The following ABLIM3 variants were observed in gnomAD, a reference collection of about 807,000 sequenced individuals.
ABLIM3 encodes the protein actin-binding LIM protein 3.
Under a neutral mutation model 109.5 loss-of-function variants are expected in ABLIM3, and 61 were observed. The ratio of observed to expected loss-of-function variants is 0.56; its 90% CI spans 0.45 to 0.69. The LOEUF is 0.69. Among genes scored for constraint, ABLIM3 ranks in the 30% least tolerant of loss-of-function variants. The pLI is 0.00. For missense variants in ABLIM3, 796 were observed against 889.5 expected (o/e 0.89, Z 1.34); for synonymous variants, 300 against 324.8 (o/e 0.92, Z 0.82).
intron 10 of ABLIM3, among the ~76,000 whole-genome samples, chr5:149,236,023 A>G (rs1762311179): frequency 6.6e-6 from 1 of 152,228 alleles, no homozygotes; most frequent in African/African-American, 2.4e-5. Context: ...CCAGCCAGGA[A>G]GGTTGCCAGG....
intron 6 of ABLIM3, among the ~76,000 whole-genome samples, chr5:149,210,505 A>G (rs1246456727): frequency 6.6e-6 from 1 of 152,228 alleles, no homozygotes; most frequent in Non-Finnish European, 1.5e-5. Flanking sequence ...CATTGGGTAA[A>G]AAATGGAGCA....
intron 2 of ABLIM3, among the ~76,000 whole-genome samples, chr5:149,147,911 T>C (rs1045355312): frequency 6.6e-6 from 1 of 152,160 alleles, no homozygotes; most frequent in Non-Finnish European, 1.5e-5. Flanking sequence ...GCTGGCATCA[T>C]GTCAGTGATG....
At chr5:149,254,126 G>A (rs901724243) in intron 23 of ABLIM3, among the ~76,000 whole-genome samples, 1 of 152,100 alleles carries the variant, frequency 6.6e-6, no homozygotes, top group Admixed American at 6.5e-5. Flanking sequence ...CCCCATCCTT[G>A]ACACGTGGGG....
chr5:149,200,362 T>C lies in ABLIM3; in HGVS notation c.382T>C (p.Cys128Arg). Residue 128 changes from cysteine (C) to arginine (R), a missense_variant, in exon 5 of 24, where the codon TGT (cysteine) becomes CGT (arginine). Cys to Arg is a radical substitution (Grantham distance 180, BLOSUM62 -3). Coordinates refer to ENST00000309868, the MANE Select transcript of ABLIM3 (RefSeq NM_014945.5). The stretch of plus-strand genomic sequence containing the variant: ...CAAGGTGACCTTCAGCGGTAAAGAA[T>C]GTGTGTGCCAAACGTGCTCCCAGTC... The part of the protein sequence containing the change: ...GDKVTFSGKE[C>R]VCQTCSQSMA... 6.2e-7 allele frequency: 1 copy of C among 1,614,208 alleles called. No individual in the cohort carries two copies. Among genetic ancestry groups the C allele is most frequent in the Non-Finnish European group, 8.5e-7 (1 of 1,180,036 alleles).
rs144896826 is a variant in ABLIM3, at chr5:149,226,743, A to T, written c.758-3906A>T. On this transcript the variant is annotated intron_variant, in intron 8 of 23. Coordinates refer to ENST00000309868, the MANE Select transcript of ABLIM3 (RefSeq NM_014945.5). ...CTCTAGAATGCCAACATTCTAGAAG[A>T]CTATGATACCAACTCCAGCTTTGGC... is the stretch of plus-strand genomic sequence containing the variant. Among the ~76,000 whole-genome samples, 654 of 152,284 alleles carry T rather than the reference A, an allele frequency of 4.3e-3. 3 individuals carry two copies. The highest frequency in any genetic ancestry group is 7.4e-3 in the Non-Finnish European group (504 of 68,028).
intron 7 of ABLIM3, among the ~76,000 whole-genome samples, chr5:149,211,733 G>C (rs911027871): frequency 6.6e-6 from 1 of 151,994 alleles, no homozygotes; most frequent in African/African-American, 2.4e-5. Context: ...TCAGCAGGAG[G>C]GGATGTAGCA....
intron 2 of ABLIM3, among the ~76,000 whole-genome samples, chr5:149,158,039 C>T (rs115438959): frequency 2.8e-3 from 434 of 152,288 alleles, no homozygotes; most frequent in African/African-American, 9.9e-3. Flanking sequence ...ATTCTTCCAC[C>T]CTGCTACCTC....
Position 149,198,782 on chromosome 5 carries a change from G to A in ABLIM3, c.335+380G>A, listed in dbSNP as rs928498981. Among the ~76,000 whole-genome samples the A allele has an allele frequency of 6.6e-6, 1 of 152,090 alleles. No individual in the cohort carries two copies. The highest frequency in any genetic ancestry group is 1.5e-5 in the Non-Finnish European group (1 of 68,014). ...ACACCCTCATCCACAGGTGGGACAG[G>A]GATGTCTGTACATAGCCTTCCTCCA... On this transcript the variant is annotated intron_variant, in intron 4 of 23. Coordinates refer to ENST00000309868, the MANE Select transcript of ABLIM3 (RefSeq NM_014945.5). This position sits in a 1 kb window ranked among gnomAD's most constrained non-coding sequence, Gnocchi z 4.2.
Position 149,163,438 on chromosome 5 carries a change from C to T in ABLIM3, c.14-20014C>T, listed in dbSNP as rs74694052. Among the ~76,000 whole-genome samples the T allele has an allele frequency of 5.8e-3, 879 of 152,208 alleles. 44 individuals carry two copies. The East Asian group carries it at 0.12, about 20-fold the overall frequency. ...GAGCTGCATAACAAAATACCACACA[C>T]GGGGTGGCTTAAACAATAGGAATTT... On this transcript the variant is annotated intron_variant, in intron 2 of 23. Coordinates refer to ENST00000309868, the MANE Select transcript of ABLIM3 (RefSeq NM_014945.5).
intron 10 of ABLIM3, among the ~76,000 whole-genome samples, chr5:149,234,948 G>A (rs893212326): frequency 7.2e-5 from 11 of 152,222 alleles, no homozygotes; most frequent in Admixed American, 1.3e-4. Context: ...GATGTTCACC[G>A]TGGAGTCCTG....
In ABLIM3 at chr5:149,258,764, T is replaced by G; in HGVS notation, c.*360T>G. On this transcript the variant is annotated 3_prime_UTR_variant, in exon 24 of 24. Transcript: ENST00000309868. The stretch of plus-strand genomic sequence containing the variant: ...CTTCGTGGCCCCTTTCTTAAATTTC[T>G]AGGGCTGATGCTGACCATGTGGTTT... The G allele has an allele frequency of 1.0e-6, 1 of 1,001,284 alleles. No individual in the cohort carries two copies. Among genetic ancestry groups the G allele is most frequent in the Non-Finnish European group, 1.2e-6 (1 of 840,636 alleles). The allele number at this position is 1,001,284 out of a possible 1,614,324, so 62.0% of individuals were successfully genotyped here. A position where few individuals can be genotyped will look rare whatever the true frequency, so the allele number is the denominator to read the frequency against.
rs752614732 is a variant in ABLIM3 at position 149,247,945 on chromosome 5, G to A, written c.1699+16G>A. 5.0e-6 allele frequency: 8 copies of A among 1,611,078 alleles called. No homozygotes were observed. In the African/African-American group the frequency reaches 1.1e-4, roughly 22 times the overall value. ...CTCAATGGCTGTAAGCATGGCTCTG[G>A]AAGCCCAACGGGGCGGGGACACCTT... On this transcript the variant is annotated intron_variant, in intron 18 of 23. Transcript: ENST00000309868.
At chr5:149,230,483 G>T (rs1056174963) in intron 8 of ABLIM3, among the ~76,000 whole-genome samples, 166 bp from the exon 9 acceptor site, 1 of 152,120 alleles carries the variant, frequency 6.6e-6, no homozygotes, top group Non-Finnish European at 1.5e-5. Flanking sequence ...GTGAGCGGTC[G>T]CATAGGTCTG....
At chr5:149,207,173 T>A (rs1759073757) in intron 6 of ABLIM3, 39 bp downstream of exon 6, 1 of 1,602,026 alleles carries the variant, frequency 6.2e-7, no homozygotes, top group African/African-American at 1.3e-5. Flanking sequence ...CCTGGGCCTC[T>A]GCATTCTGTG....
Position 149,198,369 on chromosome 5 carries a change from A to T in ABLIM3, c.302A>T (p.Tyr101Phe), listed in dbSNP as rs1561577537. 9.9e-6 allele frequency: 16 copies of T among 1,613,402 alleles called. No individual in the cohort carries two copies. Among genetic ancestry groups the T allele is most frequent in the Non-Finnish European group, 1.4e-5 (16 of 1,179,648 alleles). The change falls in exon 4 of 24, where the codon TAC (tyrosine) becomes TTC (phenylalanine). Residue 101 changes from tyrosine to phenylalanine, a missense_variant. Physicochemically the swap from Tyr to Phe is conservative, Grantham distance 22 (BLOSUM62 3). Coordinates refer to ENST00000309868, the MANE Select transcript of ABLIM3 (RefSeq NM_014945.5). This position sits in a 1 kb window ranked among gnomAD's most constrained non-coding sequence, Gnocchi z 4.2. ...GTCATCTCGGCCCTGGGCCGCACTT[A>T]CCACCCCAAGTGCTTCGTGTGCAGC... Reference protein sequence around the residue: ...GEVISALGRTYHPKCFVCSLC... With the variant: ...GEVISALGRTFHPKCFVCSLC...
chr5:149,172,479 C>T (rs1755529605), intron 2 of ABLIM3, among the ~76,000 whole-genome samples: 1 of 152,202 alleles, frequency 6.6e-6, no homozygotes, highest in African/African-American at 2.4e-5. Context: ...CCAATCCACC[C>T]AGGGGCTCTG....
intron 3 of ABLIM3, among the ~76,000 whole-genome samples, chr5:149,188,509 A>T (rs148971221): frequency 9.9e-4 from 151 of 152,366 alleles, no homozygotes; most frequent in African/African-American, 3.4e-3. Flanking sequence ...ATAAATGGAA[A>T]GGTGTCCCTT....
rs79721451 is a variant in ABLIM3 at position 149,255,075 on chromosome 5, A to G, written c.1938+2238A>G. ...CATTCATCCAACAAATATTTATTGA[A>G]TCATCCTCACCTTACAGAGGAGAAA... On this transcript the variant is annotated intron_variant, in intron 23 of 23. Transcript: ENST00000309868. 6.0e-3 allele frequency among the ~76,000 whole-genome samples: 911 copies of G among 152,348 alleles called. 6 individuals are homozygous for G. The highest frequency in any genetic ancestry group is 0.01 in the Non-Finnish European group (692 of 68,030).
rs931034475 is a variant in ABLIM3, at chr5:149,183,613, C to G, written c.151+24C>G. On this transcript the variant is annotated intron_variant, in intron 3 of 23. Coordinates refer to ENST00000309868, the MANE Select transcript of ABLIM3 (RefSeq NM_014945.5). ...AGGTAGGAGGCTCAGCTCCCCCACT[C>G]TCTTCTTAGATTCCTGACCATTCTT... The G allele has an allele frequency of 1.6e-5, 24 of 1,503,894 alleles. No individual in the cohort carries two copies. In the Admixed American group the frequency reaches 1.8e-4, roughly 11 times the overall value. The allele number at this position is 1,503,894 out of a possible 1,614,324, so 93.2% of individuals were successfully genotyped here.
Sources: gnomAD v4.1 joint callset for allele counts (sites outside exome capture counted in the v4.1 genomes callset) on GRCh38, gnomAD v4.1.1 for gene constraint, Gnocchi (gnomAD v3.1) non-coding constraint, MANE v1.5 for transcripts, NCBI Gene and HGNC (gene_info 2026-07-23, HGNC 2026-07-21) for gene names.